The following GNAI1 variants were observed in gnomAD, a reference collection of about 807,000 sequenced individuals.
GNAI1 encodes the protein guanine nucleotide-binding protein G(i) subunit alpha-1.
Under a neutral mutation model 38.9 loss-of-function variants are expected in GNAI1, and 11 were observed. The ratio of observed to expected loss-of-function variants is 0.28; its 90% CI spans 0.18 to 0.47. The LOEUF is 0.47. Ranked by LOEUF, GNAI1 falls within the 20% of genes least tolerant of loss-of-function variation. The pLI is 0.99. For missense variants in GNAI1, 317 were observed against 436.9 expected, an observed-to-expected ratio of 0.73 and a Z score of 2.45; for synonymous variants, 166 against 145.1, an observed-to-expected ratio of 1.14 and a Z score of -1.04.
At chr7:80,180,047 A>G (rs1013785021) in intron 1 of GNAI1, among the ~76,000 whole-genome samples, 27 of 152,204 alleles carry the variant, frequency 1.8e-4, no homozygotes, top group African/African-American at 5.5e-4. Context: ...AGAGAGGCCC[A>G]TGAAGAATTG....
intron 1 of GNAI1, among the ~76,000 whole-genome samples, chr7:80,137,435 C>T (rs1413434923): frequency 2.7e-5 from 4 of 150,214 alleles, no homozygotes; most frequent in Admixed American, 6.6e-5. Context: ...ATTCTCCAGC[C>T]TCAGCCTCCC....
chr7:80,135,837 G>C (rs1460282765), intron 1 of GNAI1: 41 of 984,726 alleles, frequency 4.2e-5, no homozygotes, highest in Non-Finnish European at 4.8e-5. Context: ...CTCCTTAAGT[G>C]GTCAAGGAGC....
At chr7:80,216,823 AC>A (rs748277758) in intron 7 of GNAI1, among the ~76,000 whole-genome samples, 2 of 152,146 alleles carry the variant, frequency 1.3e-5, no homozygotes, top group Non-Finnish European at 2.9e-5. Flanking sequence ...AGACCTTGGT[AC>A]AATTTTTGAA....
intron 1 of GNAI1, among the ~76,000 whole-genome samples, chr7:80,137,492 G>A (rs1446888123): frequency 6.6e-6 from 1 of 151,224 alleles, no homozygotes; most frequent in Admixed American, 6.6e-5. Flanking sequence ...GGCTAATTTT[G>A]TATTTTTAGT....
At chr7:80,165,733 G>A (rs982116144) in intron 1 of GNAI1, among the ~76,000 whole-genome samples, 3 of 151,886 alleles carry the variant, frequency 2.0e-5, no homozygotes, top group Non-Finnish European at 2.9e-5. Context: ...TAGTATAATA[G>A]TTTTTAAAAA....
intron 1 of GNAI1, among the ~76,000 whole-genome samples, chr7:80,167,085 T>G (rs933374228): frequency 2.6e-5 from 4 of 152,196 alleles, no homozygotes; most frequent in African/African-American, 9.6e-5. Context: ...TAAGGTCACC[T>G]GAGAACCATT....
chr7:80,210,528 G>C (rs1256256100), intron 5 of GNAI1, among the ~76,000 whole-genome samples: 8 of 152,036 alleles, frequency 5.3e-5, no homozygotes, highest in African/African-American at 1.9e-4. Context: ...GTAGGAGGAG[G>C]GGTCTCTGTT....
chr7:80,190,367 A>G (rs1176576283), intron 3 of GNAI1, among the ~76,000 whole-genome samples: 1 of 152,040 alleles, frequency 6.6e-6, no homozygotes, highest in Non-Finnish European at 1.5e-5. Context: ...AGTAGATTTC[A>G]ATATCATTTT....
chr7:80,211,145 A>C, intron 6 of GNAI1, 47 bp downstream of exon 6: 2 of 1,556,510 alleles, frequency 1.3e-6, no homozygotes, highest in Non-Finnish European at 1.8e-6. Flanking sequence ...TGAAGAGCTG[A>C]AGGTGTTGCC....
rs890678888 is a variant in GNAI1 at position 80,223,422 on chromosome 7, A to G, written c.*5929A>G. ...CAAAATAAACCACTGTGAAGATTGGATATTACCTTGGATTTTCTGTTGTGC... is the reference window on the plus strand; with the variant it reads ...CAAAATAAACCACTGTGAAGATTGGGTATTACCTTGGATTTTCTGTTGTGC... On this transcript the variant is annotated 3_prime_UTR_variant, in exon 8 of 8. Transcript: ENST00000649796. Among the ~76,000 whole-genome samples the G allele has an allele frequency of 6.6e-6, 1 of 152,202 alleles. No homozygotes were observed. Among genetic ancestry groups the G allele is most frequent in the African/African-American group, 2.4e-5 (1 of 41,440 alleles).
At chr7:80,191,352 G>A (rs1450085672) in intron 3 of GNAI1, among the ~76,000 whole-genome samples, 1 of 151,870 alleles carries the variant, frequency 6.6e-6, no homozygotes, top group African/African-American at 2.4e-5. Flanking sequence ...AATGGAAAAA[G>A]CGTTGTATGA....
At chr7:80,170,773 GCT>G (rs1788087353) in intron 1 of GNAI1, among the ~76,000 whole-genome samples, 1 of 152,112 alleles carries the variant, frequency 6.6e-6, no homozygotes, top group African/African-American at 2.4e-5. Flanking sequence ...CCTTCCACCA[GCT>G]CCACTTCCAA....
intron 1 of GNAI1, among the ~76,000 whole-genome samples, chr7:80,181,782 T>C (rs1288447490): frequency 1.3e-5 from 2 of 152,292 alleles, no homozygotes; most frequent in Admixed American, 1.3e-4. Flanking sequence ...AAATTATATA[T>C]ATTTACAGTA....
At chr7:80,145,256 C>T (rs1185864403) in intron 1 of GNAI1, among the ~76,000 whole-genome samples, 1 of 152,148 alleles carries the variant, frequency 6.6e-6, no homozygotes, top group African/African-American at 2.4e-5. Flanking sequence ...TTTGCAGTCA[C>T]TCTTTAAATT....
rs1265216096 is a variant in GNAI1, at chr7:80,221,283, G to A, written c.*3790G>A. Among the ~76,000 whole-genome samples, 1 of 152,112 alleles carries A rather than the reference G, an allele frequency of 6.6e-6. No individual in the cohort carries two copies. The highest frequency in any genetic ancestry group is 2.4e-5 in the African/African-American group (1 of 41,418). On this transcript the variant is annotated 3_prime_UTR_variant, in exon 8 of 8. Coordinates refer to ENST00000649796, the MANE Select transcript of GNAI1 (RefSeq NM_002069.6). ...GATTAAATAATCCATTAATTTTAAT[G>A]GTTGTTGTCAGCATTAAATAAGTTC...
chr7:80,194,393 A>G (rs561990626), intron 3 of GNAI1, among the ~76,000 whole-genome samples: 1 of 152,290 alleles, frequency 6.6e-6, no homozygotes, highest in South Asian at 2.1e-4. Flanking sequence ...CATTAATACA[A>G]ATGTTTAGTA....
At chr7:80,144,057 TCTCTTTAACAG>T (rs1337356202) in intron 1 of GNAI1, among the ~76,000 whole-genome samples, 2 of 152,120 alleles carry the variant, frequency 1.3e-5, no homozygotes, top group African/African-American at 4.8e-5. Flanking sequence ...GACTTGGATT[TCTCTTTAACAG>T]CCTCCTTACT....
intron 1 of GNAI1, among the ~76,000 whole-genome samples, chr7:80,182,790 A>G (rs965732297): frequency 6.6e-6 from 1 of 152,192 alleles, no homozygotes; most frequent in Non-Finnish European, 1.5e-5. Context: ...AACCCATTAC[A>G]TGCATGTTCA....
intron 1 of GNAI1, among the ~76,000 whole-genome samples, chr7:80,138,723 G>C (rs1044103201): frequency 1.3e-5 from 2 of 152,090 alleles, no homozygotes; most frequent in African/African-American, 2.4e-5. Context: ...TTTATTTTCT[G>C]TTCCAAAGCT....
Sources: allele counts gnomAD v4.1 joint callset (sites outside exome capture counted in the v4.1 genomes callset), GRCh38; gene constraint gnomAD v4.1.1; transcripts MANE v1.5; gene names NCBI Gene and HGNC (gene_info 2026-07-23, HGNC 2026-07-21).